Variants in PTPRG observed in about 807,000 individuals in gnomAD.
PTPRG encodes protein tyrosine phosphatase receptor type G.
PTPRG carries 102 observed loss-of-function variants against 165.3 expected under a neutral mutation model. That is an observed-to-expected ratio of 0.62 (90% CI 0.53 to 0.73). The LOEUF is 0.73. Ranked by LOEUF, PTPRG falls within the 30% of genes least tolerant of loss-of-function variation. The pLI is 0.00. For missense variants in PTPRG, 1,866 were observed against 1,861.4 expected, an observed-to-expected ratio of 1.00 and a Z score of -0.05; for synonymous variants, 675 against 669.5, an observed-to-expected ratio of 1.01 and a Z score of -0.13.
At chr3:61,571,698 CT>C in intron 1 of PTPRG, among the ~76,000 whole-genome samples, 1 of 152,182 alleles carries the variant, frequency 6.6e-6, no homozygotes, top group African/African-American at 2.4e-5. Context: ...AATTTGAGAA[CT>C]TTTGTTTGGG....
In PTPRG at chr3:62,138,280, G is replaced by A. The variant is rs183576037; in HGVS notation, c.682+5612G>A. ...AGCAAAAACACAAAGTGAGAAATGT[G>A]CATTAAAATGATGTGTAACATAACC... On this transcript the variant is annotated intron_variant, in intron 6 of 29. Coordinates refer to ENST00000474889, the MANE Select transcript of PTPRG (RefSeq NM_002841.4). Among the ~76,000 whole-genome samples the A allele has an allele frequency of 2.0e-4, 31 of 152,314 alleles. No homozygotes were observed. The East Asian group carries it at 5.2e-3, about 26-fold the overall frequency.
intron 2 of PTPRG, chr3:61,771,195 A>G (rs2034197384): frequency 1.3e-5 from 2 of 152,312 alleles, no homozygotes; most frequent in East Asian, 3.9e-4. Flanking sequence ...ATGCATTCTA[A>G]TGGATCTTTG....
At chr3:62,062,362 T>C (rs1033410183) in intron 4 of PTPRG, among the ~76,000 whole-genome samples, 16 of 152,172 alleles carry the variant, frequency 1.1e-4, no homozygotes, top group Non-Finnish European at 1.2e-4. Flanking sequence ...ATAAAGCAGG[T>C]ACATTTAAAT....
At position 61,671,284 on chromosome 3, in the gene PTPRG, C is replaced by A. The variant is rs939517802; in HGVS notation, c.86-77594C>A. ...TGGTTTTCCTAGGCAGAGGACCCTG[C>A]GGCCTTCTGCAGTGTTTGTGTCCCT... On this transcript the variant is annotated intron_variant, in intron 1 of 29. Transcript: ENST00000474889. Among the ~76,000 whole-genome samples the A allele has an allele frequency of 4.0e-5, 6 of 151,546 alleles. No homozygotes were observed. The East Asian group carries it at 9.7e-4, about 25-fold the overall frequency.
intron 8 of PTPRG, among the ~76,000 whole-genome samples, chr3:62,178,254 TATGGGAGGATGGAGGGATGG>T (rs1234522833): frequency 1.3e-5 from 2 of 150,186 alleles, no homozygotes; most frequent in Non-Finnish European, 3.0e-5. Context: ...TCCATGGATG[TATGGGAGGATGGAGGGATGG>T]ATGGGAGGAT....
chr3:61,703,640 T>C (rs1259365058), intron 1 of PTPRG, among the ~76,000 whole-genome samples: 1 of 152,192 alleles, frequency 6.6e-6, no homozygotes, highest in Non-Finnish European at 1.5e-5. Flanking sequence ...GGGCATAGGA[T>C]TGTATCAGTG....
intron 1 of PTPRG, among the ~76,000 whole-genome samples, chr3:61,674,455 C>A (rs1703148196): frequency 7.2e-6 from 1 of 139,298 alleles, no homozygotes. Context: ...CCACTGCCCT[C>A]CAGCCTGGGC....
In PTPRG at chr3:62,100,488, CAG is replaced by C. The variant is rs763446955; in HGVS notation, c.615+22235_615+22236del. 4.3e-4 allele frequency among the ~76,000 whole-genome samples: 66 copies of C among 152,266 alleles called. 1 individual carries two copies. Among genetic ancestry groups the C allele is most frequent in the Non-Finnish European group, 7.9e-4 (54 of 68,026 alleles). On this transcript the variant is annotated intron_variant, in intron 5 of 29. Transcript: ENST00000474889. ...TTTCAGTTTCTGTGCAGTCAGACCACAGAGAGGGGCTTTCTTCACCATGGATT... is the reference window on the plus strand; with the variant it reads ...TTTCAGTTTCTGTGCAGTCAGACCACAGAGGGGCTTTCTTCACCATGGATT...
chr3:61,598,598 G>C (rs2106840174), intron 1 of PTPRG, among the ~76,000 whole-genome samples: 1 of 152,308 alleles, frequency 6.6e-6, no homozygotes, highest in South Asian at 2.1e-4. Context: ...TGATGCCATT[G>C]AGTGGGGCCA....
At chr3:62,100,536 A>G (rs1470332859) in intron 5 of PTPRG, among the ~76,000 whole-genome samples, 1 of 152,018 alleles carries the variant, frequency 6.6e-6, no homozygotes, top group Non-Finnish European at 1.5e-5. Context: ...TCAGTTAGAG[A>G]GTGGATCTGG....
chr3:61,574,957 C>T (rs968459526), intron 1 of PTPRG, among the ~76,000 whole-genome samples: 1 of 152,200 alleles, frequency 6.6e-6, no homozygotes, highest in South Asian at 2.1e-4. Flanking sequence ...TGGCACCAAG[C>T]CATTCGTGAG....
chr3:62,293,381 ACT>A lies in PTPRG; in HGVS notation c.*77_*78del, dbSNP rs1478446918. The A allele has an allele frequency of 7.6e-7, 1 of 1,319,428 alleles. No homozygotes were observed. Among genetic ancestry groups the A allele is most frequent in the South Asian group, 1.9e-5 (1 of 53,426 alleles). 81.7% of individuals were successfully genotyped at this position (1,319,428 alleles called of 1,614,324 possible). A position where few individuals can be genotyped will look rare whatever the true frequency, so the allele number is the denominator to read the frequency against. On this transcript the variant is annotated 3_prime_UTR_variant, in exon 30 of 30. Coordinates refer to ENST00000474889, the MANE Select transcript of PTPRG (RefSeq NM_002841.4). ...ACTTTTTTGAGGCCTTTTTTGCCAGACTCTAGGTTATACAATAACCCAGTTAC... is the reference window on the plus strand; with the variant it reads ...ACTTTTTTGAGGCCTTTTTTGCCAGACTAGGTTATACAATAACCCAGTTAC...
chr3:61,876,651 G>T lies in PTPRG; in HGVS notation c.191-112974G>T, dbSNP rs187742717. ...GGGCTGGGCGTGGTGGCTCACATCT[G>T]TAATCCCAGCACTTTGGGAGGCCGA... On this transcript the variant is annotated intron_variant, in intron 2 of 29. Transcript: ENST00000474889. Among the ~76,000 whole-genome samples, 208 of 152,254 alleles carry T rather than the reference G, an allele frequency of 1.4e-3. 2 individuals carry two copies. Among genetic ancestry groups the T allele is most frequent in the African/African-American group, 4.6e-3 (191 of 41,542 alleles).
intron 4 of PTPRG, among the ~76,000 whole-genome samples, chr3:62,006,862 G>T (rs904953997): frequency 4.6e-5 from 7 of 152,212 alleles, no homozygotes; most frequent in African/African-American, 1.4e-4. Context: ...AATGTCACTA[G>T]TGTCACTGTG....
rs1700084413 is a variant in PTPRG, at chr3:62,201,014, G to T, written c.1328-491G>T. Among the ~76,000 whole-genome samples, 4 of 152,164 alleles carry T rather than the reference G, an allele frequency of 2.6e-5. No homozygotes were observed. The South Asian group carries it at 8.3e-4, about 32-fold the overall frequency. ...ATCAAGTTCAAATACAGGTAAAACT[G>T]ACAGAGTCCAAATAGTGGCTAGCTT... On this transcript the variant is annotated intron_variant, in intron 10 of 29. Coordinates refer to ENST00000474889, the MANE Select transcript of PTPRG (RefSeq NM_002841.4).
At chr3:62,194,859 T>C (rs1699921470) in intron 9 of PTPRG, among the ~76,000 whole-genome samples, 1 of 151,994 alleles carries the variant, frequency 6.6e-6, no homozygotes, top group Non-Finnish European at 1.5e-5. Context: ...ATTTCGGTGT[T>C]GAAAACAGGT....
At chr3:62,124,292 A>C (rs963310100) in intron 5 of PTPRG, 1 of 1,584,902 alleles carries the variant, frequency 6.3e-7, no homozygotes, top group African/African-American at 1.3e-5. Context: ...GTCCGTGTTG[A>C]GGGTGGTCAG....
chr3:61,814,983 T>G (rs1337445952), intron 2 of PTPRG, among the ~76,000 whole-genome samples: 1 of 152,078 alleles, frequency 6.6e-6, no homozygotes, highest in African/African-American at 2.4e-5. Context: ...ATCTGCCTAG[T>G]GTCCTATCTA....
intron 4 of PTPRG, among the ~76,000 whole-genome samples, chr3:62,073,724 A>G (rs1701285539): frequency 1.3e-5 from 2 of 152,146 alleles, no homozygotes; most frequent in Admixed American, 6.5e-5. Flanking sequence ...CAAGTGATCC[A>G]TCCACCTTGG....
Sources: gnomAD v4.1 joint callset for allele counts (sites outside exome capture counted in the v4.1 genomes callset) on GRCh38, gnomAD v4.1.1 for gene constraint, MANE v1.5 for transcripts, NCBI Gene and HGNC (gene_info 2026-07-23, HGNC 2026-07-21) for gene names.